The following RBBP8 variants were observed in gnomAD, a reference collection of about 807,000 sequenced individuals.
The protein encoded by RBBP8 is RB binding protein 8, endonuclease, also known as DNA endonuclease RBBP8.
In RBBP8, 88 loss-of-function variants were observed where a neutral mutation model predicts 108.3. The ratio of observed to expected loss-of-function variants is 0.81; its 90% confidence interval spans 0.68 to 0.97. The LOEUF is 0.97. Among genes scored for constraint, RBBP8 ranks in the 50% least tolerant of loss-of-function variants. The pLI is 0.00. For synonymous variants in RBBP8, 332 were observed against 348.2 expected, an observed-to-expected ratio of 0.95 and a Z score of 0.52; for missense variants, 1,023 against 1,049.0, an observed-to-expected ratio of 0.98 and a Z score of 0.34.
chr18:22,948,278 C>T (rs1287884005), intron 3 of RBBP8, among the ~76,000 whole-genome samples: 2 of 152,056 alleles, frequency 1.3e-5, no homozygotes, highest in Admixed American at 6.5e-5. Context: ...CAGGCTTAGA[C>T]AAGTTATCTG....
chr18:22,952,684 T>A (rs1025381588), intron 4 of RBBP8, among the ~76,000 whole-genome samples: 1 of 152,140 alleles, frequency 6.6e-6, no homozygotes, highest in African/African-American at 2.4e-5. Flanking sequence ...ACTCACCCTT[T>A]CCCAGGTCAG....
intron 15 of RBBP8, among the ~76,000 whole-genome samples, chr18:23,005,076 T>TC (rs2046017512): frequency 2.0e-5 from 3 of 151,956 alleles, no homozygotes; most frequent in Admixed American, 1.3e-4. Context: ...GGCAAGAGAA[T>TC]CTCTTGAACC....
chr18:22,927,934 C>T (rs1343697353), intron 3 of RBBP8, among the ~76,000 whole-genome samples: 2 of 147,696 alleles, frequency 1.4e-5, no homozygotes, highest in Non-Finnish European at 3.0e-5. Flanking sequence ...CAGGGCTGGG[C>T]GTGGTGGCTC....
At chr18:22,966,978 G>A (rs1039748074) in intron 4 of RBBP8, among the ~76,000 whole-genome samples, 2 of 151,966 alleles carry the variant, frequency 1.3e-5, no homozygotes, top group Non-Finnish European at 2.9e-5. Flanking sequence ...TGACCACCTC[G>A]GCCTCCCAAA....
At chr18:22,968,321 G>A (rs796612226) in intron 4 of RBBP8, among the ~76,000 whole-genome samples, 27 of 151,568 alleles carry the variant, frequency 1.8e-4, no homozygotes, top group African/African-American at 4.8e-4. Context: ...TCCTGTCGCC[G>A]CAGCCTCCCA....
chr18:22,945,346 TTAAA>T (rs1415618723), intron 2 of RBBP8, among the ~76,000 whole-genome samples: 1 of 152,202 alleles, frequency 6.6e-6, no homozygotes, highest in Admixed American at 6.5e-5. Flanking sequence ...TAATATTTGA[TTAAA>T]TAACTTCATT....
At chr18:22,985,292 C>A (rs1328753128) in intron 8 of RBBP8, among the ~76,000 whole-genome samples, 1 of 152,024 alleles carries the variant, frequency 6.6e-6, no homozygotes, top group Admixed American at 6.6e-5. Context: ...TAAAACAAAG[C>A]CCTTGTCCTC....
chr18:23,006,548 C>T (rs1598736624), intron 16 of RBBP8, 116 bp downstream of exon 16: 4 of 913,494 alleles, frequency 4.4e-6, no homozygotes, highest in Non-Finnish European at 5.2e-6. Context: ...GTCACCCAGG[C>T]TAGAGTGCAA....
In RBBP8 at chr18:22,991,025, C is replaced by A. The variant is rs1915655742; in HGVS notation, c.896C>A (p.Thr299Lys). The A allele has an allele frequency of 6.2e-7, 1 of 1,612,300 alleles. No individual in the cohort carries two copies. Among genetic ancestry groups the A allele is most frequent in the Non-Finnish European group, 8.5e-7 (1 of 1,178,768 alleles). ...NHKKQPFEES[T>K]RNTEDSLRFS... is the part of the protein sequence containing the mutation. The stretch of plus-strand genomic sequence containing the variant: ...AAGAAACAGCCTTTTGAGGAATCTA[C>A]AAGAAATACTGAAGATAGTTTAAGG... Residue 299 changes from threonine (T) to lysine (K), a missense_variant, in exon 10 of 19, where the codon ACA becomes AAA. Thr to Lys is a moderately conservative substitution (Grantham distance 78). Transcript: ENST00000327155.
Position 22,927,416 on chromosome 18 carries a change from G to C in RBBP8, c.-153-1967G>C, listed in dbSNP as rs183271706. 6.7e-4 allele frequency among the ~76,000 whole-genome samples: 102 copies of C among 152,280 alleles called. 1 individual carries two copies. Among genetic ancestry groups the C allele is most frequent in the Admixed American group, 1.9e-3 (29 of 15,300 alleles). ...CGAAGAATTGGATACCCACGTCCCA[G>C]TTCCATCCTGCTTCTTTAAGTAAAT... On this transcript the variant is annotated intron_variant, in intron 3 of 4. Coordinates refer to the RBBP8 transcript ENST00000577588.
chr18:22,963,535 C>T (rs1913297122), intron 4 of RBBP8, among the ~76,000 whole-genome samples: 1 of 152,146 alleles, frequency 6.6e-6, no homozygotes, highest in Non-Finnish European at 1.5e-5. Context: ...TCTGTCATTT[C>T]ACCTTTTCAA....
intron 9 of RBBP8, 50 bp from the exon 10 acceptor site, chr18:22,990,887 G>A: frequency 1.4e-6 from 2 of 1,395,340 alleles, no homozygotes; most frequent in Non-Finnish European, 2.0e-6. Context: ...CCCTTTTTAA[G>A]AATGAACAAA....
chr18:22,996,748 A>G (rs988138558), intron 13 of RBBP8, among the ~76,000 whole-genome samples: 1 of 152,178 alleles, frequency 6.6e-6, no homozygotes, highest in African/African-American at 2.4e-5. Flanking sequence ...TGTAATCCCA[A>G]CACTCTGGGA....
chr18:23,000,002 A>G (rs966629011), intron 14 of RBBP8, among the ~76,000 whole-genome samples: 7 of 152,346 alleles, frequency 4.6e-5, no homozygotes, highest in African/African-American at 1.7e-4. Flanking sequence ...TAAATGTTTA[A>G]TTATCAATAA....
chr18:22,974,205 C>T (rs1266561136), intron 5 of RBBP8, among the ~76,000 whole-genome samples: 3 of 152,192 alleles, frequency 2.0e-5, no homozygotes, highest in Non-Finnish European at 4.4e-5. Context: ...TGACATCATA[C>T]TAAGCATTGA....
chr18:22,989,774 G>C (rs1205673532), intron 9 of RBBP8, among the ~76,000 whole-genome samples: 1 of 152,116 alleles, frequency 6.6e-6, no homozygotes, highest in East Asian at 1.9e-4. Flanking sequence ...CTGGCCTCAA[G>C]TGATCCTCCC....
At chr18:23,001,787 T>G in intron 15 of RBBP8, 58 bp downstream of exon 15, 1 of 1,586,244 alleles carries the variant, frequency 6.3e-7, no homozygotes, top group Non-Finnish European at 8.7e-7. Context: ...GTAAGTTAAG[T>G]TATCAAGCTA....
rs1915656699 is a variant in RBBP8, at chr18:22,991,035, T to C, written c.906T>C (p.Thr302=). 6.2e-7 allele frequency: 1 copy of C among 1,610,596 alleles called. No homozygotes were observed. The highest frequency in any genetic ancestry group is 8.5e-7 in the Non-Finnish European group (1 of 1,177,270). ...CTTTTGAGGAATCTACAAGAAATAC[T>C]GAAGATAGTTTAAGGTAATTAAGGG... The part of the protein sequence containing the change: ...KQPFEESTRN[T]EDSLRFSDST... Residue 302 remains threonine (T), a synonymous_variant, in exon 10 of 19, where the codon ACT becomes ACC. Transcript: ENST00000327155.
intron 16 of RBBP8, among the ~76,000 whole-genome samples, chr18:23,014,879 G>T (rs138581237): frequency 0.018 from 2,782 of 150,478 alleles, 31 homozygotes; most frequent in Non-Finnish European, 0.022. Context: ...CTTTTTTCTG[G>T]TTTTTTTTTG....
Sources: allele counts gnomAD v4.1 joint callset (sites outside exome capture counted in the v4.1 genomes callset), GRCh38; gene constraint gnomAD v4.1.1; transcripts MANE v1.5; gene names NCBI Gene and HGNC (gene_info 2026-07-23, HGNC 2026-07-21).